Variants in SCPEP1 observed in about 807,000 individuals in gnomAD.
SCPEP1 encodes serine carboxypeptidase 1.
A neutral mutation model predicts 63.8 loss-of-function variants in SCPEP1; 51 were observed. The observed-to-expected ratio is 0.80, with a 90% confidence interval of 0.64 to 1.01. SCPEP1 has a LOEUF of 1.01. Among genes scored for constraint, SCPEP1 ranks in the 50% least tolerant of loss-of-function variants. SCPEP1 has a pLI of 0.00. For missense variants in SCPEP1, 499 were observed against 554.9 expected, an observed-to-expected ratio of 0.90 and a Z score of 1.01; for synonymous variants, 204 against 207.8, an observed-to-expected ratio of 0.98 and a Z score of 0.16.
Position 57,002,047 on chromosome 17 carries a change from T to C in SCPEP1, c.1162T>C (p.Trp388Arg). The C allele has an allele frequency of 6.2e-7, 1 of 1,613,962 alleles. No homozygotes were observed. Among genetic ancestry groups the C allele is most frequent in the Non-Finnish European group, 8.5e-7 (1 of 1,179,912 alleles). The stretch of plus-strand genomic sequence containing the variant: ...GGAGGCCTGGGTGCGGAAACTGAAG[T>C]GGCCAGAACTGCCTAAATTCAGTCA... ...GQEAWVRKLK[W>R]PELPKFSQLK... Residue 388 changes from tryptophan to arginine, a missense_variant, in exon 12 of 13, where the codon TGG becomes CGG. Trp to Arg is a moderately radical substitution (Grantham distance 101). Transcript: ENST00000262288.
intron 9 of SCPEP1, 135 bp downstream of exon 9, chr17:56,997,190 C>T (rs1911594970): frequency 1.8e-6 from 1 of 549,308 alleles, no homozygotes; most frequent in Non-Finnish European, 3.2e-6. Flanking sequence ...AAGTGGTTTT[C>T]AGTATATTCC....
chr17:56,999,189 G>A (rs916658254), intron 10 of SCPEP1, among the ~76,000 whole-genome samples: 4 of 152,048 alleles, frequency 2.6e-5, no homozygotes, highest in Non-Finnish European at 5.9e-5. Context: ...ATGAGATTTC[G>A]CGCCAAAGGT....
intron 9 of SCPEP1, 178 bp downstream of exon 9, chr17:56,997,233 A>C: frequency 2.3e-6 from 1 of 444,186 alleles, no homozygotes; most frequent in Non-Finnish European, 4.0e-6. Flanking sequence ...CAATCCAGTT[A>C]TGGAGCATTT....
At chr17:56,980,649 G>T (rs946057981) in intron 1 of SCPEP1, among the ~76,000 whole-genome samples, 2 of 152,010 alleles carry the variant, frequency 1.3e-5, no homozygotes, top group African/African-American at 4.8e-5. Context: ...TTAGCCAGGC[G>T]TGGTGGTGCA....
intron 2 of SCPEP1, among the ~76,000 whole-genome samples, chr17:56,982,357 G>A (rs1048450517): frequency 1.3e-5 from 2 of 152,326 alleles, no homozygotes; most frequent in East Asian, 1.9e-4. Flanking sequence ...CAGGATGGTC[G>A]ATGCAGACTT....
chr17:56,996,979 C>T lies in SCPEP1; in HGVS notation c.804C>T (p.Asn268=). The T allele has an allele frequency of 6.2e-7, 1 of 1,606,024 alleles. No homozygotes were observed. The highest frequency in any genetic ancestry group is 8.5e-7 in the Non-Finnish European group (1 of 1,176,802). The change falls in exon 9 of 13, where the codon AAC becomes AAT. Residue 268 remains asparagine (N), a synonymous_variant. Coordinates refer to ENST00000262288, the MANE Select transcript of SCPEP1 (RefSeq NM_021626.3). ...MIIEQNTDGV[N]FYNILTKSTP... is the part of the protein sequence containing the mutation. ...TATTTCAGAACACAGATGGGGTGAA[C>T]TTCTATAACATCTTAACTAAAAGCA... is the stretch of plus-strand genomic sequence containing the variant.
rs772730275 is a variant in SCPEP1, at chr17:56,978,132, T to C, written c.-28T>C. 26 of 1,015,392 alleles carry C rather than the reference T, an allele frequency of 2.6e-5. No individual in the cohort carries two copies. Among genetic ancestry groups the C allele is most frequent in the East Asian group, 4.0e-5 (1 of 25,264 alleles). 62.9% of individuals were successfully genotyped at this position (1,015,392 alleles called of 1,614,324 possible). A position where few individuals can be genotyped will look rare whatever the true frequency, so the allele number is the denominator to read the frequency against. ...GTGATGGGGCGCCGGGTCCAGCCTG[T>C]TGCTGATGCTGCCGTGCGGTACTTG... On this transcript the variant is annotated 5_prime_UTR_variant, in exon 1 of 13. Transcript: ENST00000262288.
At chr17:56,998,616 A>G in intron 10 of SCPEP1, 118 bp downstream of exon 10, 1 of 729,474 alleles carries the variant, frequency 1.4e-6, no homozygotes, top group East Asian at 2.7e-5. Flanking sequence ...GGTTATAGGT[A>G]AACAATATTA....
intron 6 of SCPEP1, among the ~76,000 whole-genome samples, chr17:56,993,823 G>A (rs1188475876): frequency 6.6e-6 from 1 of 152,178 alleles, no homozygotes; most frequent in African/African-American, 2.4e-5. Context: ...GAGATAGGCT[G>A]GCCTACCAGG....
intron 5 of SCPEP1, among the ~76,000 whole-genome samples, chr17:56,989,361 T>G (rs760090049): frequency 2.3e-4 from 35 of 152,264 alleles, no homozygotes; most frequent in Non-Finnish European, 4.1e-4. Context: ...AACACCCAGT[T>G]TTGGTAAGAA....
chr17:57,001,913 T>G, intron 11 of SCPEP1, 105 bp from the exon 12 acceptor site: 1 of 1,147,970 alleles, frequency 8.7e-7, no homozygotes, highest in Non-Finnish European at 1.2e-6. Context: ...TGAGTGAGTT[T>G]CATGCATATT....
intron 9 of SCPEP1, 44 bp downstream of exon 9, chr17:56,997,099 A>G (rs753653816): frequency 3.3e-6 from 4 of 1,199,130 alleles, no homozygotes; most frequent in Non-Finnish European, 3.5e-6. Flanking sequence ...CTCAGCCTCC[A>G]TGCAAAAAGA....
At chr17:56,993,545 G>A (rs540859444) in intron 6 of SCPEP1, among the ~76,000 whole-genome samples, 1 of 152,324 alleles carries the variant, frequency 6.6e-6, no homozygotes, top group Admixed American at 6.5e-5. Context: ...CCAGGTTTAA[G>A]CAATTCTCCT....
chr17:56,983,833 T>G (rs1237493990), intron 2 of SCPEP1: 1 of 152,020 alleles, frequency 6.6e-6, no homozygotes, highest in African/African-American at 2.4e-5. Context: ...TCTTGTCTTT[T>G]TTTTTTTTTT....
At chr17:56,998,327 A>G in intron 9 of SCPEP1, 58 bp from the exon 10 acceptor site, 2 of 1,019,014 alleles carry the variant, frequency 2.0e-6, no homozygotes, top group South Asian at 1.4e-5. Context: ...AAAAAAAAAG[A>G]TGTCCTCTTG....
chr17:56,993,090 A>G (rs1911447014), intron 6 of SCPEP1, among the ~76,000 whole-genome samples: 1 of 152,218 alleles, frequency 6.6e-6, no homozygotes, highest in Non-Finnish European at 1.5e-5. Flanking sequence ...AGGTGCTAGG[A>G]AAAGATACAC....
chr17:57,000,969 T>C lies in SCPEP1; in HGVS notation c.1109T>C (p.Leu370Pro). 6.2e-7 allele frequency: 1 copy of C among 1,614,170 alleles called. No individual in the cohort carries two copies. The highest frequency in any genetic ancestry group is 8.5e-7 in the Non-Finnish European group (1 of 1,180,030). ...AACGTGACGGTGTATAATGGACAGCTGGATCTCATCGTAGATACCATGGGT... is the reference window on the plus strand; with the variant it reads ...AACGTGACGGTGTATAATGGACAGCCGGATCTCATCGTAGATACCATGGGT... Reference protein sequence around the residue: ...GINVTVYNGQLDLIVDTMGQE... With the variant: ...GINVTVYNGQPDLIVDTMGQE... The change falls in exon 11 of 13, where the codon CTG (leucine) becomes CCG (proline). Residue 370 changes from leucine (L) to proline (P), a missense_variant. Leu to Pro is a moderately conservative substitution (Grantham distance 98). Transcript: ENST00000262288.
chr17:56,993,653 G>T (rs551266244), intron 6 of SCPEP1, among the ~76,000 whole-genome samples: 1 of 152,236 alleles, frequency 6.6e-6, no homozygotes, highest in South Asian at 2.1e-4. Context: ...CACCATGTTG[G>T]CCAGGCTGGT....
chr17:56,981,048 T>C, intron 1 of SCPEP1, 34 bp from the exon 2 acceptor site: 2 of 1,613,012 alleles, frequency 1.2e-6, no homozygotes, highest in South Asian at 2.2e-5. Context: ...CATTAGGCAC[T>C]CTTCTGGAGA....
Sources: allele counts gnomAD v4.1 joint callset (sites outside exome capture counted in the v4.1 genomes callset), GRCh38; gene constraint gnomAD v4.1.1; transcripts MANE v1.5; gene names NCBI Gene and HGNC (gene_info 2026-07-23, HGNC 2026-07-21).